RIMS2: variants seen among roughly 807,000 people sequenced by gnomAD.
RIMS2 encodes the protein regulating synaptic membrane exocytosis 2, also known as regulating synaptic membrane exocytosis protein 2.
A neutral mutation model predicts 174.4 loss-of-function variants in RIMS2; 59 were observed. That is an observed-to-expected ratio of 0.34 (90% CI 0.27 to 0.42). RIMS2 has a LOEUF of 0.42. Ranked by LOEUF, RIMS2 falls within the 10% of genes least tolerant of loss-of-function variation. The probability of loss-of-function intolerance (pLI) is 1.00; values close to 1 mark genes in which losing one functional copy is unlikely to be tolerated. For missense variants in RIMS2, 1,620 were observed against 1,666.3 expected (o/e 0.97, Z 0.48); for synonymous variants, 606 against 572.5 (o/e 1.06, Z -0.84).
At chr8:103,810,381 C>T (rs987887115) in intron 3 of RIMS2, among the ~76,000 whole-genome samples, 2 of 152,070 alleles carry the variant, frequency 1.3e-5, no homozygotes, top group Non-Finnish European at 2.9e-5. Context: ...TCACTGTTTC[C>T]CATTTACACT....
intron 19 of RIMS2, among the ~76,000 whole-genome samples, chr8:104,135,722 AG>A (rs1443211912): frequency 1.3e-5 from 2 of 151,480 alleles, no homozygotes; most frequent in African/African-American, 2.4e-5. Flanking sequence ...TCTTATGAGG[AG>A]GGATACTCAA....
exon 1 of RIMS2, chr8:103,501,018 G>A (rs1202456076): frequency 6.2e-7 from 1 of 1,610,954 alleles, no homozygotes. Context: ...TGGCCGTCAT[G>A]GATAGGCAGA....
At chr8:104,112,105 A>C (rs2098195066) in intron 19 of RIMS2, among the ~76,000 whole-genome samples, 1 of 152,196 alleles carries the variant, frequency 6.6e-6, no homozygotes, top group African/African-American at 2.4e-5. Context: ...CTCTTCATTA[A>C]AAGAATTAAT....
intron 3 of RIMS2, among the ~76,000 whole-genome samples, chr8:103,876,864 T>TTATATA (rs199997824): frequency 0.01 from 700 of 67,504 alleles, 10 homozygotes; most frequent in East Asian, 0.023. Flanking sequence ...ACACACTATT[T>TTATATA]TATATATATA....
chr8:103,715,176 A>T (rs2097353198), intron 2 of RIMS2, among the ~76,000 whole-genome samples: 1 of 152,188 alleles, frequency 6.6e-6, no homozygotes, highest in African/African-American at 2.4e-5. Context: ...ATTTTATTGT[A>T]AGTTTCAGGA....
At chr8:103,760,695 G>A (rs1027333745) in intron 2 of RIMS2, among the ~76,000 whole-genome samples, 1 of 151,968 alleles carries the variant, frequency 6.6e-6, no homozygotes, top group African/African-American at 2.4e-5. Context: ...ATCTATGGTG[G>A]GACTGCATTC....
intron 1 of RIMS2, among the ~76,000 whole-genome samples, chr8:103,523,321 A>G (rs1832593541): frequency 6.6e-6 from 1 of 151,954 alleles, no homozygotes; most frequent in African/African-American, 2.4e-5. Context: ...TTATTTGCCT[A>G]GGAAAGATGT....
At chr8:103,926,080 G>A (rs187467670) in intron 10 of RIMS2, among the ~76,000 whole-genome samples, 12 of 151,508 alleles carry the variant, frequency 7.9e-5, no homozygotes, top group African/African-American at 2.4e-4. Context: ...ATGGAAAAAT[G>A]TTTGCTTTTA....
At chr8:103,886,917 A>G (rs2099206237) in intron 4 of RIMS2, among the ~76,000 whole-genome samples, 1 of 151,850 alleles carries the variant, frequency 6.6e-6, no homozygotes, top group Non-Finnish European at 1.5e-5. Context: ...TGCCAATGTA[A>G]AAATTATAAT....
At chr8:103,711,530 A>G (rs935286954) in intron 2 of RIMS2, among the ~76,000 whole-genome samples, 28 of 152,218 alleles carry the variant, frequency 1.8e-4, no homozygotes, top group Admixed American at 1.6e-3. Context: ...TGGTTTGCCA[A>G]ATGGGTTCTA....
chr8:104,122,939 G>A (rs2098395891), intron 19 of RIMS2, among the ~76,000 whole-genome samples: 1 of 152,034 alleles, frequency 6.6e-6, no homozygotes, highest in South Asian at 2.1e-4. Flanking sequence ...TCTAAAGAAA[G>A]TTTTATTGTA....
At chr8:103,544,251 C>G (rs1417387264) in intron 1 of RIMS2, among the ~76,000 whole-genome samples, 1 of 152,222 alleles carries the variant, frequency 6.6e-6, no homozygotes, top group Admixed American at 6.5e-5. Flanking sequence ...GTGACTCTGC[C>G]TACCCCTGCT....
chr8:103,853,309 G>GATGAGTAGACTGAA (rs2099009620), intron 3 of RIMS2, among the ~76,000 whole-genome samples: 1 of 151,178 alleles, frequency 6.6e-6, no homozygotes, highest in African/African-American at 2.4e-5. Context: ...CATAGTTTGT[G>GATGAGTAGACTGAA]AATATTTTCT....
chr8:104,249,942 A>G (rs998165399), intron 22 of RIMS2, among the ~76,000 whole-genome samples: 2 of 152,196 alleles, frequency 1.3e-5, no homozygotes, highest in African/African-American at 2.4e-5. Flanking sequence ...TAGAGCTTCA[A>G]AATTCTCCTC....
intron 1 of RIMS2, among the ~76,000 whole-genome samples, chr8:103,660,082 G>A (rs1467154528): frequency 6.6e-6 from 1 of 152,166 alleles, no homozygotes; most frequent in Admixed American, 6.5e-5. Context: ...GGTGCCCTGG[G>A]CCCTGCCTGC....
At chr8:103,502,550 A>G (rs180892196) in intron 1 of RIMS2, among the ~76,000 whole-genome samples, 201 of 152,290 alleles carry the variant, frequency 1.3e-3, no homozygotes, top group African/African-American at 4.6e-3. Flanking sequence ...TGAAGAAATT[A>G]AGAGACTTAA....
chr8:104,158,907 C>G (rs1191022237), intron 19 of RIMS2, among the ~76,000 whole-genome samples: 1 of 152,126 alleles, frequency 6.6e-6, no homozygotes, highest in East Asian at 1.9e-4. Flanking sequence ...TAATTAGATT[C>G]CATTTGTCTA....
rs575525958 is a variant in RIMS2 at position 103,646,596 on chromosome 8, G to A, written c.177-50490G>A. 2.6e-5 allele frequency among the ~76,000 whole-genome samples: 4 copies of A among 152,216 alleles called. No homozygotes were observed. The South Asian group carries it at 8.3e-4, about 32-fold the overall frequency. On this transcript the variant is annotated intron_variant, in intron 1 of 23. Coordinates refer to ENST00000504942, the Ensembl canonical transcript of RIMS2. The stretch of plus-strand genomic sequence containing the variant: ...TTTGTTGTTTCCCCCATGTGTCCAT[G>A]TGTCCATGTGTTCTCATCATTCAGC...
intron 16 of RIMS2, among the ~76,000 whole-genome samples, chr8:103,982,414 A>G (rs2093985956): frequency 6.6e-6 from 1 of 151,206 alleles, no homozygotes; most frequent in Non-Finnish European, 1.5e-5. Context: ...TATTACTTTG[A>G]TACCAAAAGC....
Sources: gnomAD v4.1 joint callset for allele counts (sites outside exome capture counted in the v4.1 genomes callset) on GRCh38, gnomAD v4.1.1 for gene constraint, MANE v1.5 for transcripts, NCBI Gene and HGNC (gene_info 2026-07-23, HGNC 2026-07-21) for gene names.